Variants in VSTM4 observed in about 807,000 individuals in gnomAD.
VSTM4 encodes the protein V-set and transmembrane domain-containing protein 4.
A neutral mutation model predicts 36.4 loss-of-function variants in VSTM4; 20 were observed. That is an observed-to-expected ratio of 0.55 (90% CI 0.39 to 0.80). The LOEUF (loss-of-function observed/expected upper bound fraction) is 0.80. Among genes scored for constraint, VSTM4 ranks in the 30% least tolerant of loss-of-function variants. VSTM4 has a pLI of 0.00. For missense variants in VSTM4, 392 were observed against 404.5 expected, an observed-to-expected ratio of 0.97 and a Z score of 0.26; for synonymous variants, 182 against 173.9, an observed-to-expected ratio of 1.05 and a Z score of -0.37.
chr10:49,085,307 C>G (rs1323804455), intron 3 of VSTM4, among the ~76,000 whole-genome samples: 2 of 152,218 alleles, frequency 1.3e-5, no homozygotes, highest in African/African-American at 4.8e-5. Context: ...TTAACAACTT[C>G]CAATTAAATC....
In VSTM4 at chr10:49,019,556, T is replaced by C; in HGVS notation, c.*94A>G. 1 of 1,453,676 alleles carries C rather than the reference T, an allele frequency of 6.9e-7. No homozygotes were observed. Among genetic ancestry groups the C allele is most frequent in the Non-Finnish European group, 9.1e-7 (1 of 1,099,048 alleles). 90.0% of individuals were successfully genotyped at this position (1,453,676 alleles called of 1,614,324 possible). A position where few individuals can be genotyped will look rare whatever the true frequency, so the allele number is the denominator to read the frequency against. On this transcript the variant is annotated 3_prime_UTR_variant, in exon 8 of 8. Coordinates refer to ENST00000332853, the MANE Select transcript of VSTM4 (RefSeq NM_001031746.5). ...GGGGCTCCCCACCACTCAGAAGGCA[T>C]GAGTGAAAATACAGACATAAGGGCT...
chr10:49,105,143 G>C (rs899806230), intron 2 of VSTM4, among the ~76,000 whole-genome samples: 10 of 150,880 alleles, frequency 6.6e-5, no homozygotes, highest in African/African-American at 2.4e-4. Context: ...GAGAGACAGA[G>C]AGAGACCAAA....
chr10:49,057,166 A>G (rs1184077384), intron 5 of VSTM4, among the ~76,000 whole-genome samples: 1 of 152,136 alleles, frequency 6.6e-6, no homozygotes, highest in Non-Finnish European at 1.5e-5. Flanking sequence ...ACTACCTCCA[A>G]CACTGGAAAC....
intron 4 of VSTM4, 48 bp from the exon 5 acceptor site, chr10:49,064,784 A>C: frequency 6.3e-7 from 1 of 1,581,578 alleles, no homozygotes; most frequent in Admixed American, 1.8e-5. Context: ...GCTACTTCAG[A>C]TATATATGCT....
intron 7 of VSTM4, among the ~76,000 whole-genome samples, chr10:49,023,339 G>A (rs1175371343): frequency 6.6e-6 from 1 of 152,160 alleles, no homozygotes; most frequent in African/African-American, 2.4e-5. Context: ...TTGTTTAACT[G>A]GAAATAAATT....
At position 49,107,971 on chromosome 10, in the gene VSTM4, G is replaced by T; in HGVS notation, c.80C>A (p.Thr27Asn). Residue 27 changes from threonine (T) to asparagine (N), a missense_variant, in exon 2 of 8, where the codon ACT (threonine) becomes AAT (asparagine). By Grantham distance (65) the Thr-to-Asn change is moderately conservative. Transcript: ENST00000332853. ...GTCAACCACGGGCCCCGGGGACACA[G>T]TGACATTGAGGGCCGCACAGACCTC... ...APEVCAALNVTVSPGPVVDYL... is the reference protein window; with the variant it reads ...APEVCAALNVNVSPGPVVDYL... The T allele has an allele frequency of 6.3e-7, 1 of 1,593,210 alleles. No individual in the cohort carries two copies. Among genetic ancestry groups the T allele is most frequent in the Non-Finnish European group, 8.6e-7 (1 of 1,169,018 alleles).
At chr10:49,106,447 T>TA (rs1844784270) in intron 2 of VSTM4, among the ~76,000 whole-genome samples, 1 of 152,294 alleles carries the variant, frequency 6.6e-6, no homozygotes. Flanking sequence ...ACATTGGTGA[T>TA]AAAAAAATGA....
At chr10:49,046,179 T>G (rs1378984111) in intron 7 of VSTM4, among the ~76,000 whole-genome samples, 2 of 152,164 alleles carry the variant, frequency 1.3e-5, no homozygotes, top group Non-Finnish European at 2.9e-5. Context: ...AATTACCCAG[T>G]CTTGGGTAGT....
At chr10:49,047,072 T>G (rs1417231712) in intron 6 of VSTM4, 28 bp from the exon 7 acceptor site, 1 of 1,610,856 alleles carries the variant, frequency 6.2e-7, no homozygotes, top group Non-Finnish European at 8.5e-7. Context: ...GGGTTTAGCT[T>G]GCAGTTCCTC....
chr10:49,099,279 C>T (rs779259934), intron 2 of VSTM4, among the ~76,000 whole-genome samples: 15 of 152,232 alleles, frequency 9.9e-5, no homozygotes, highest in Admixed American at 1.3e-4. Flanking sequence ...AATCCTTTCG[C>T]AGAGAGAGCC....
intron 7 of VSTM4, among the ~76,000 whole-genome samples, chr10:49,029,382 A>AGTGTG (rs887186427): frequency 6.6e-6 from 1 of 152,248 alleles, no homozygotes; most frequent in Non-Finnish European, 1.5e-5. Flanking sequence ...GAGGTAGCAG[A>AGTGTG]GTGTGGTGGC....
Position 49,019,632 on chromosome 10 carries a change from T to G in VSTM4, c.*18A>C. On this transcript the variant is annotated 3_prime_UTR_variant, in exon 8 of 8. Coordinates refer to ENST00000332853, the MANE Select transcript of VSTM4 (RefSeq NM_001031746.5). ...TGGGTGGCAGGTATTAAATAGAACC[T>G]TGGAGGTGGACGCTGTACTACAGCT... 6.3e-7 allele frequency: 1 copy of G among 1,595,122 alleles called. No homozygotes were observed.
chr10:49,062,912 C>A (rs1843905196), intron 5 of VSTM4, among the ~76,000 whole-genome samples: 1 of 151,604 alleles, frequency 6.6e-6, no homozygotes, highest in African/African-American at 2.4e-5. Context: ...TTTTTCATTT[C>A]TGTTTTTGTA....
At chr10:49,086,061 T>C (rs911645945) in intron 2 of VSTM4, 38 bp from the exon 3 acceptor site, 5 of 1,362,212 alleles carry the variant, frequency 3.7e-6, no homozygotes, top group South Asian at 1.3e-5. Context: ...TATGAAAAAA[T>C]AATGCCACAT....
intron 7 of VSTM4, among the ~76,000 whole-genome samples, chr10:49,039,774 T>C (rs1179898062): frequency 6.6e-6 from 1 of 152,228 alleles, no homozygotes; most frequent in Non-Finnish European, 1.5e-5. Context: ...TCCTTCCCCA[T>C]TCAGGTAACA....
intron 1 of VSTM4, among the ~76,000 whole-genome samples, chr10:49,114,158 A>T (rs573558943): frequency 2.0e-5 from 3 of 152,188 alleles, no homozygotes; most frequent in Admixed American, 6.5e-5. Context: ...AGACAGTGAC[A>T]ACTGGGAAAA....
intron 7 of VSTM4, among the ~76,000 whole-genome samples, chr10:49,039,370 C>A (rs1457837540): frequency 6.6e-6 from 1 of 152,056 alleles, no homozygotes; most frequent in Non-Finnish European, 1.5e-5. Context: ...CGAGAGGGAG[C>A]CATTTACGCA....
intron 2 of VSTM4, among the ~76,000 whole-genome samples, chr10:49,090,600 T>C (rs1168427765): frequency 2.0e-5 from 3 of 152,166 alleles, no homozygotes; most frequent in African/African-American, 7.2e-5. Flanking sequence ...GCTGCCCCTC[T>C]CTGCCCTCTC....
At chr10:49,052,330 G>T (rs1160532433) in intron 5 of VSTM4, among the ~76,000 whole-genome samples, 1 of 151,764 alleles carries the variant, frequency 6.6e-6, no homozygotes. Flanking sequence ...ATTCCTTTTT[G>T]ATTTGCATTT....
Sources: allele counts gnomAD v4.1 joint callset (sites outside exome capture counted in the v4.1 genomes callset), GRCh38; gene constraint gnomAD v4.1.1; transcripts MANE v1.5; gene names NCBI Gene and HGNC (gene_info 2026-07-23, HGNC 2026-07-21).